YBX2: variants seen among roughly 807,000 people sequenced by gnomAD.
The protein encoded by YBX2 is Y-box-binding protein 2.
A neutral mutation model predicts 44.4 loss-of-function variants in YBX2; 5 were observed. That is an observed-to-expected ratio of 0.11 (90% CI 0.06 to 0.24). The LOEUF (loss-of-function observed/expected upper bound fraction) is 0.24. YBX2 is among the 10% of genes least tolerant of loss of function. The probability of loss-of-function intolerance (pLI) is 1.00; values close to 1 mark genes in which losing one functional copy is unlikely to be tolerated. For synonymous variants in YBX2, 188 were observed against 216.1 expected (o/e 0.87, Z 1.14); for missense variants, 417 against 526.9 (o/e 0.79, Z 2.04).
rs543895586 is a variant in YBX2, at chr17:7,290,819, G to A, written c.459+274C>T. Among the ~76,000 whole-genome samples the A allele has an allele frequency of 6.4e-4, 98 of 152,248 alleles. 1 individual carries two copies. The highest frequency in any genetic ancestry group is 4.0e-4 in the Non-Finnish European group (27 of 68,018). ...ACCTTTTTACTCCAGAGGCGGACTC[G>A]GGAAGTCTAGGACAGGGCCCCACGT... On this transcript the variant is annotated intron_variant, in intron 4 of 8. Coordinates refer to ENST00000007699, the MANE Select transcript of YBX2 (RefSeq NM_015982.4).
At position 7,288,851 on chromosome 17, in the gene YBX2, G is replaced by A. The variant is rs769289842; in HGVS notation, c.1045-13C>T. 46 of 1,613,750 alleles carry A rather than the reference G, an allele frequency of 2.9e-5. No homozygotes were observed. The highest frequency in any genetic ancestry group is 8.0e-5 in the African/African-American group (6 of 75,036). Reference sequence around the variant, plus strand: ...CAGGGGCTGAGGTCTAAAGAACAGCGGTGGCCAATTGAGACTTGTTCTTTT... The same window carrying A: ...CAGGGGCTGAGGTCTAAAGAACAGCAGTGGCCAATTGAGACTTGTTCTTTT... On this transcript the variant is annotated splice_polypyrimidine_tract_variant and intron_variant, in intron 7 of 8. Transcript: ENST00000007699.
rs1351812367 is a variant in YBX2 at position 7,294,403 on chromosome 17, G to A, written c.98C>T (p.Pro33Leu). 56 of 1,450,564 alleles carry A rather than the reference G, an allele frequency of 3.9e-5. No homozygotes were observed. The highest frequency in any genetic ancestry group is 1.9e-4 in the Admixed American group (8 of 41,582). The allele number at this position is 1,450,564 out of a possible 1,614,324, so 89.9% of individuals were successfully genotyped here. Residue 33 changes from proline to leucine, a missense_variant, in exon 1 of 9, where the codon CCC becomes CTC. Coordinates refer to ENST00000007699, the MANE Select transcript of YBX2 (RefSeq NM_015982.4). This position sits in a 1 kb window ranked among gnomAD's most constrained non-coding sequence, Gnocchi z 4.6. ...GCCGCCTTTCTGCGGCTCCCCTGCG[G>A]GCACCGGTACCACCACCGCTACCAC... ...AGVVAVVVPVPAGEPQKGGGA... is the reference protein window; with the variant it reads ...AGVVAVVVPVLAGEPQKGGGA...
chr17:7,292,383 A>C, intron 2 of YBX2: 1 of 372,304 alleles, frequency 2.7e-6, no homozygotes. Flanking sequence ...TAGCCTTACA[A>C]CCTGCCAGCG....
At position 7,289,614 on chromosome 17, in the gene YBX2, T is replaced by C. The variant is rs542408693; in HGVS notation, c.960A>G (p.Arg320=). The part of the protein sequence containing the change: ...DGSRPEPQRP[R]NRPYFQRRRQ... ...GTCTCCGCTGGAAGTAGGGGCGGTT[T>C]CGTGGGCGCTGGGGCTCAGGCCGGG... The change falls in exon 7 of 9, where the codon CGA becomes CGG. Residue 320 remains arginine (R), a synonymous_variant. Transcript: ENST00000007699. 6.2e-7 allele frequency: 1 copy of C among 1,613,804 alleles called. No individual in the cohort carries two copies. The highest frequency in any genetic ancestry group is 2.2e-5 in the East Asian group (1 of 44,874).
chr17:7,289,296 G>GC (rs1401706976), intron 7 of YBX2, among the ~76,000 whole-genome samples: 2 of 64,256 alleles, frequency 3.1e-5, no homozygotes, highest in East Asian at 5.5e-4. Context: ...GGGATGGGTT[G>GC]GGGGGGGCAT....
In YBX2 at chr17:7,293,503, C is replaced by T. The variant is rs1457732393; in HGVS notation, c.307G>A (p.Val103Ile). ...QVLGTVKWFNVRNGYGFINRN... is the reference protein window; with the variant it reads ...QVLGTVKWFNIRNGYGFINRN... ...TTGATGAATCCGTAACCATTCCGGA[C>T]GTTGAACCATTTGACAGTGCCCAGG... is the stretch of plus-strand genomic sequence containing the variant. The change falls in exon 2 of 9, where the codon GTC becomes ATC. Residue 103 changes from valine (V) to isoleucine (I), a missense_variant. Physicochemically the swap from Val to Ile is conservative, Grantham distance 29. Around this residue, in one of 3 missense-constraint regions of YBX2, gnomAD observed 39 missense variants for 123.8 expected, o/e 0.32. Transcript: ENST00000007699. The T allele has an allele frequency of 6.2e-7, 1 of 1,614,074 alleles. No homozygotes were observed. Among genetic ancestry groups the T allele is most frequent in the Non-Finnish European group, 8.5e-7 (1 of 1,180,016 alleles).
rs1261075045 is a variant in YBX2, at chr17:7,291,604, G to A, written c.369+422C>T. 5.2e-6 allele frequency: 2 copies of A among 382,726 alleles called. No individual in the cohort carries two copies. The highest frequency in any genetic ancestry group is 5.0e-6 in the Non-Finnish European group (1 of 200,988). 23.7% of individuals were successfully genotyped at this position (382,726 alleles called of 1,614,324 possible). On this transcript the variant is annotated intron_variant, in intron 3 of 8. Transcript: ENST00000007699. The surrounding 1 kb of genome is among the most constrained non-coding windows in gnomAD (Gnocchi z 5.8). Reference sequence around the variant, plus strand: ...GTAGCGTGCATCAGAATCACCTGGAGAGCTCGTTAAACCGATTGTGGAGCC... The same window carrying A: ...GTAGCGTGCATCAGAATCACCTGGAAAGCTCGTTAAACCGATTGTGGAGCC...
At chr17:7,289,442 CA>C in intron 7 of YBX2, 87 bp downstream of exon 7, 1 of 1,533,042 alleles carries the variant, frequency 6.5e-7, no homozygotes, top group Non-Finnish European at 8.8e-7. Flanking sequence ...GGGGAGGAGC[CA>C]AAGGATAGAG....
At position 7,289,018 on chromosome 17, in the gene YBX2, C is replaced by T. The variant is rs556403868; in HGVS notation, c.1045-180G>A. 3.9e-5 allele frequency among the ~76,000 whole-genome samples: 6 copies of T among 152,284 alleles called. No individual in the cohort carries two copies. The South Asian group carries it at 6.2e-4, about 16-fold the overall frequency. ...CTGGGATTACAGGCATGTGCTACCA[C>T]GCCTGGCTAATTTTTGTATCTTTAG... On this transcript the variant is annotated intron_variant, in intron 7 of 8. Transcript: ENST00000007699.
intron 2 of YBX2, chr17:7,292,876 C>G (rs544071456): frequency 1.2e-5 from 2 of 161,380 alleles, no homozygotes; most frequent in East Asian, 3.6e-4. Flanking sequence ...CCAGGCCGGG[C>G]AGGATGCCTG....
At chr17:7,288,923 C>T (rs1485111000) in intron 7 of YBX2, 85 bp from the exon 8 acceptor site, 22 of 1,551,742 alleles carry the variant, frequency 1.4e-5, no homozygotes, top group Middle Eastern at 1.7e-4. Flanking sequence ...AGTACAGTGG[C>T]GTGATCTTGG....
intron 2 of YBX2, chr17:7,292,276 G>A (rs1248013140): frequency 3.4e-6 from 2 of 583,950 alleles, no homozygotes; most frequent in African/African-American, 1.9e-5. Context: ...TGCCAAACCT[G>A]GACTTCACAA....
In YBX2 at chr17:7,294,099, C is replaced by T. The variant is rs1393925046; in HGVS notation, c.271+131G>A. ...GGGGAATCCACTTTGGTGCGCAGCTCCCAGCCCAGTTAGCGCTCTGGGCCT... is the reference window on the plus strand; with the variant it reads ...GGGGAATCCACTTTGGTGCGCAGCTTCCAGCCCAGTTAGCGCTCTGGGCCT... On this transcript the variant is annotated intron_variant, in intron 1 of 8. Coordinates refer to ENST00000007699, the MANE Select transcript of YBX2 (RefSeq NM_015982.4). This position sits in a 1 kb window ranked among gnomAD's most constrained non-coding sequence, Gnocchi z 4.6. The T allele has an allele frequency of 2.8e-6, 3 of 1,055,442 alleles. No homozygotes were observed. The highest frequency in any genetic ancestry group is 8.6e-5 in the South Asian group (2 of 23,178). The allele number at this position is 1,055,442 out of a possible 1,614,324, so 65.4% of individuals were successfully genotyped here. A position where few individuals can be genotyped will look rare whatever the true frequency, so the allele number is the denominator to read the frequency against.
At position 7,291,198 on chromosome 17, in the gene YBX2, G is replaced by T. The variant is rs367817541; in HGVS notation, c.370-16C>A. ...TAATAGCTGTCTGATTGGGGAAAAG[G>T]CCATGTGAAAAGTGAGACAGCAAGA... On this transcript the variant is annotated splice_polypyrimidine_tract_variant and intron_variant, in intron 3 of 8. Coordinates refer to ENST00000007699, the MANE Select transcript of YBX2 (RefSeq NM_015982.4). The surrounding 1 kb of genome is among the most constrained non-coding windows in gnomAD (Gnocchi z 5.8). The T allele has an allele frequency of 3.0e-5, 48 of 1,613,502 alleles. No individual in the cohort carries two copies. Among genetic ancestry groups the T allele is most frequent in the Non-Finnish European group, 3.6e-5 (43 of 1,179,602 alleles).
intron 2 of YBX2, chr17:7,293,015 C>T: frequency 9.9e-6 from 2 of 202,678 alleles, no homozygotes; most frequent in South Asian, 1.6e-4. Flanking sequence ...TCCTCCTGAC[C>T]CCCACTGTCA....
chr17:7,290,964 TGA>T, intron 4 of YBX2, 127 bp downstream of exon 4: 2 of 909,172 alleles, frequency 2.2e-6, no homozygotes, highest in Admixed American at 3.5e-5. Flanking sequence ...GACATCAGGG[TGA>T]GAGAACACAG....
rs2072504765 is a variant in YBX2 at position 7,291,999 on chromosome 17, C to T, written c.369+27G>A. ...GGCCTTCAAAGACGGCCGGTTCTTC[C>T]CCTCAGAAAGCTAACCTAGCTCTTA... On this transcript the variant is annotated intron_variant, in intron 3 of 8. Transcript: ENST00000007699. This position sits in a 1 kb window ranked among gnomAD's most constrained non-coding sequence, Gnocchi z 5.8. The T allele has an allele frequency of 6.2e-7, 1 of 1,614,138 alleles. No individual in the cohort carries two copies. Among genetic ancestry groups the T allele is most frequent in the Non-Finnish European group, 8.5e-7 (1 of 1,179,992 alleles).
Position 7,289,743 on chromosome 17 carries a change from G to C in YBX2, c.849-18C>G, listed in dbSNP as rs1371421123. On this transcript the variant is annotated intron_variant, in intron 6 of 8. Transcript: ENST00000007699. ...GGAAAGGCCTAAGGCAAGGAACAAG[G>C]CTCTGAGGGGACCAGGGAATACTCC... 2 of 1,562,500 alleles carry C rather than the reference G, an allele frequency of 1.3e-6. No individual in the cohort carries two copies. The highest frequency in any genetic ancestry group is 1.7e-6 in the Non-Finnish European group (2 of 1,150,352).
At position 7,291,936 on chromosome 17, in the gene YBX2, GA is replaced by G; in HGVS notation, c.369+89del. 6.5e-7 allele frequency: 1 copy of G among 1,533,294 alleles called. No homozygotes were observed. The highest frequency in any genetic ancestry group is 1.4e-5 in the African/African-American group (1 of 73,284). The allele number at this position is 1,533,294 out of a possible 1,614,324, so 95.0% of individuals were successfully genotyped here. ...TGGGCCGTTGTGAAGAAGAGCCAGA[GA>G]AACATGGCGGAGCGCACTGCTAAGG... On this transcript the variant is annotated intron_variant, in intron 3 of 8. Transcript: ENST00000007699. This position sits in a 1 kb window ranked among gnomAD's most constrained non-coding sequence, Gnocchi z 5.8.
Sources: gnomAD v4.1 joint callset for allele counts (sites outside exome capture counted in the v4.1 genomes callset) on GRCh38, gnomAD v4.1.1 for gene constraint, gnomAD v4.1.1 regional missense constraint, Gnocchi (gnomAD v3.1) non-coding constraint, MANE v1.5 for transcripts, NCBI Gene and HGNC (gene_info 2026-07-23, HGNC 2026-07-21) for gene names.